The following FA2H variants were observed in gnomAD, a reference collection of about 807,000 sequenced individuals.
The protein encoded by FA2H is fatty acid 2-hydroxylase, also known as fatty acid alpha-hydroxylase.
FA2H carries 22 observed loss-of-function variants against 44.9 expected under a neutral mutation model. The ratio of observed to expected loss-of-function variants is 0.49; its 90% CI spans 0.35 to 0.70. The LOEUF (loss-of-function observed/expected upper bound fraction) is 0.70. Among genes scored for constraint, FA2H ranks in the 30% least tolerant of loss-of-function variants. The pLI is 0.01. For missense variants in FA2H, 501 were observed against 504.9 expected, an observed-to-expected ratio of 0.99 and a Z score of 0.07; for synonymous variants, 243 against 213.2, an observed-to-expected ratio of 1.14 and a Z score of -1.22.
At chr16:74,727,921 C>G (rs1327757973) in intron 2 of FA2H, among the ~76,000 whole-genome samples, 1 of 152,102 alleles carries the variant, frequency 6.6e-6, no homozygotes, top group South Asian at 2.1e-4. Flanking sequence ...ATCATTTATT[C>G]AGCAATTTAT....
intron 6 of FA2H, among the ~76,000 whole-genome samples, chr16:74,716,005 A>T (rs1490753238): frequency 6.6e-6 from 1 of 151,898 alleles, no homozygotes; most frequent in Non-Finnish European, 1.5e-5. Context: ...TAGTGGAGAC[A>T]GGTTTCACCA....
At position 74,716,453 on chromosome 16, in the gene FA2H, A is replaced by G. The variant is rs11554620; in HGVS notation, c.933T>C (p.Tyr311=). ...AGTGCAGGTAGTAATGGGTCATGTC[A>G]TAGAGGACGTAGCCCAGGAGGCCCC... The part of the protein sequence containing the change: ...FAGGLLGYVL[Y]DMTHYYLHFG... Residue 311 remains tyrosine, a synonymous_variant, in exon 6 of 7, where the codon TAT becomes TAC. Coordinates refer to ENST00000219368, the MANE Select transcript of FA2H (RefSeq NM_024306.5). The G allele has an allele frequency of 0.039, 62,550 of 1,613,832 alleles. 2,564 individuals carry two copies. The highest frequency in any genetic ancestry group is 0.21 in the African/African-American group (15,577 of 74,892).
intron 1 of FA2H, among the ~76,000 whole-genome samples, chr16:74,773,711 C>A (rs1368467058): frequency 2.0e-5 from 3 of 152,212 alleles, no homozygotes; most frequent in Admixed American, 6.5e-5. Context: ...ATTCCATATC[C>A]TGAAATGGGA....
chr16:74,731,654 A>G (rs1962073907), intron 2 of FA2H, among the ~76,000 whole-genome samples: 1 of 149,920 alleles, frequency 6.7e-6, no homozygotes. Flanking sequence ...CTGAGTAGCT[A>G]GGACTACAGG....
intron 1 of FA2H, among the ~76,000 whole-genome samples, chr16:74,743,838 G>T (rs1962362119): frequency 6.6e-6 from 1 of 152,160 alleles, no homozygotes. Flanking sequence ...ATCACAAGAT[G>T]GGACACACCT....
chr16:74,732,335 T>A (rs746007447), intron 2 of FA2H, among the ~76,000 whole-genome samples: 12 of 152,218 alleles, frequency 7.9e-5, no homozygotes, highest in Non-Finnish European at 1.6e-4. Flanking sequence ...AGGGGGCCCC[T>A]CTCTCAGCCT....
chr16:74,724,482 C>G (rs1211404385), intron 4 of FA2H, among the ~76,000 whole-genome samples: 2 of 152,160 alleles, frequency 1.3e-5, no homozygotes, highest in African/African-American at 4.8e-5. Flanking sequence ...CGTTCAGCTT[C>G]CACTGCTTCT....
intron 1 of FA2H, among the ~76,000 whole-genome samples, chr16:74,759,142 G>C (rs1480857858): frequency 6.6e-6 from 1 of 152,202 alleles, no homozygotes; most frequent in African/African-American, 2.4e-5. Flanking sequence ...AAGATACTTA[G>C]GTGGGACCAG....
At chr16:74,773,356 T>A (rs919174952) in intron 1 of FA2H, among the ~76,000 whole-genome samples, 1 of 152,206 alleles carries the variant, frequency 6.6e-6, no homozygotes, top group Admixed American at 6.5e-5. Flanking sequence ...ATCATAGATA[T>A]GCATATATGG....
chr16:74,763,383 G>T (rs8052469), intron 1 of FA2H, among the ~76,000 whole-genome samples: 2 of 151,796 alleles, frequency 1.3e-5, no homozygotes, highest in South Asian at 2.1e-4. Flanking sequence ...TCAGCCTTCC[G>T]AGTAACTGGG....
At chr16:74,743,888 G>A (rs942142537) in intron 1 of FA2H, among the ~76,000 whole-genome samples, 4 of 152,174 alleles carry the variant, frequency 2.6e-5, no homozygotes, top group African/African-American at 4.8e-5. Flanking sequence ...CAGAGCCAGC[G>A]TCACGCGGTG....
chr16:74,736,758 C>T (rs1962189780), intron 2 of FA2H, among the ~76,000 whole-genome samples: 1 of 152,168 alleles, frequency 6.6e-6, no homozygotes, highest in Non-Finnish European at 1.5e-5. Context: ...TCTGCTCAGC[C>T]TCCTCCCTCC....
rs1491185782 is a variant in FA2H at position 74,741,808 on chromosome 16, A to ATATATATATATGTG, written c.271-1694_271-1693insCACATATATATATA. Among the ~76,000 whole-genome samples the ATATATATATATGTG allele has an allele frequency of 1.4e-3, 69 of 48,364 alleles. 1 individual carries two copies. Among genetic ancestry groups the ATATATATATATGTG allele is most frequent in the South Asian group, 4.7e-3 (6 of 1,264 alleles). 31.7% of individuals were successfully genotyped at this position (48,364 alleles called of 152,430 possible). A position where few individuals can be genotyped will look rare whatever the true frequency, so the allele number is the denominator to read the frequency against. ...TATATATATATATATATATATATAT[A>ATATATATATATGTG]TGTGTGTGTGTGTGTGTGTGTGTGT... On this transcript the variant is annotated intron_variant, in intron 1 of 6. Coordinates refer to ENST00000219368, the MANE Select transcript of FA2H (RefSeq NM_024306.5).
At chr16:74,746,767 T>C (rs1224335062) in intron 1 of FA2H, among the ~76,000 whole-genome samples, 1 of 152,080 alleles carries the variant, frequency 6.6e-6, no homozygotes, top group East Asian at 1.9e-4. Context: ...TCTCTGTCAA[T>C]TCCCAGAACA....
intron 1 of FA2H, among the ~76,000 whole-genome samples, chr16:74,754,650 C>A (rs1030396136): frequency 7.2e-5 from 11 of 152,048 alleles, no homozygotes; most frequent in African/African-American, 2.4e-4. Flanking sequence ...ACCTTAGCCT[C>A]CTGAGTAGCT....
At position 74,716,563 on chromosome 16, in the gene FA2H, CA is replaced by C. The variant is rs2144601954; in HGVS notation, c.822del (p.Val275CysfsTer6). On this transcript the variant is annotated frameshift_variant, in exon 6 of 7. Coordinates refer to ENST00000219368, the MANE Select transcript of FA2H (RefSeq NM_024306.5). LOFTEE classifies it high-confidence loss of function. Reference protein sequence around the residue: ...PFDGSRLVFPPVPASLVIGVF... With the variant: ...PFDGSRLVFPXVPASLVIGVF... ...ACGCCGATCACCAGGGAGGCTGGCACAGGGGGGAAGACCAGGCGGGAGCCGT... is the reference window on the plus strand; with the variant it reads ...ACGCCGATCACCAGGGAGGCTGGCACGGGGGGAAGACCAGGCGGGAGCCGT... 2 of 1,598,358 alleles carry C rather than the reference CA, an allele frequency of 1.3e-6. No individual in the cohort carries two copies. Among genetic ancestry groups the C allele is most frequent in the Middle Eastern group, 1.7e-4 (1 of 6,038 alleles).
At chr16:74,720,555 T>C (rs1220296795) in intron 4 of FA2H, among the ~76,000 whole-genome samples, 2 of 152,066 alleles carry the variant, frequency 1.3e-5, no homozygotes, top group African/African-American at 2.4e-5. Context: ...GGCCATATCT[T>C]CTCTCTTCTT....
At chr16:74,725,845 G>C (rs947844010) in intron 4 of FA2H, 2 of 346,452 alleles carry the variant, frequency 5.8e-6, no homozygotes, top group African/African-American at 4.3e-5. Context: ...AGGCCAGTCC[G>C]AGTCTAGCTC....
intron 6 of FA2H, among the ~76,000 whole-genome samples, chr16:74,714,743 A>G (rs1961657505): frequency 6.6e-6 from 1 of 152,206 alleles, no homozygotes; most frequent in East Asian, 1.9e-4. Context: ...AAATGTGGCT[A>G]GAGCTCCAGA....
Sources: gnomAD v4.1 joint callset for allele counts (sites outside exome capture counted in the v4.1 genomes callset) on GRCh38, gnomAD v4.1.1 for gene constraint, MANE v1.5 for transcripts, NCBI Gene and HGNC (gene_info 2026-07-23, HGNC 2026-07-21) for gene names.